ASB3: variants seen among roughly 807,000 people sequenced by gnomAD.
ASB3 encodes ankyrin repeat and SOCS box containing 3, also known as ankyrin repeat and SOCS box protein 3.
In ASB3, 41 loss-of-function variants were observed where a neutral mutation model predicts 54.5. The ratio of observed to expected loss-of-function variants is 0.75; its 90% CI spans 0.59 to 0.98. ASB3 has a LOEUF of 0.98. Among genes scored for constraint, ASB3 ranks in the 50% least tolerant of loss-of-function variants. The probability of loss-of-function intolerance (pLI) is 0.00; values close to 1 mark genes in which losing one functional copy is unlikely to be tolerated. For synonymous variants in ASB3, 266 were observed against 221.2 expected, an observed-to-expected ratio of 1.20 and a Z score of -1.80; for missense variants, 733 against 620.0, an observed-to-expected ratio of 1.18 and a Z score of -1.94.
rs562057266 is a variant in ASB3 at position 53,753,887 on chromosome 2, C to T, written c.197-2946G>A. ...AACTCCTGGCCTCAGGTGATCTGCC[C>T]GACTTGGCCTCCCAAAGTGCTGAGA... On this transcript the variant is annotated intron_variant, in intron 2 of 9. Transcript: ENST00000263634. 1.9e-4 allele frequency among the ~76,000 whole-genome samples: 29 copies of T among 152,032 alleles called. No homozygotes were observed. The South Asian group carries it at 5.3e-3, about 28-fold the overall frequency.
chr2:53,762,171 CTGTGTGTG>C (rs3062426), intron 2 of ASB3, among the ~76,000 whole-genome samples: 1 of 149,710 alleles, frequency 6.7e-6, no homozygotes, highest in African/African-American at 2.5e-5. Flanking sequence ...AGTGATCTAA[CTGTGTGTG>C]TGTGTGTGTG....
chr2:53,683,603 T>C (rs143021433), intron 9 of ASB3, among the ~76,000 whole-genome samples: 1 of 152,266 alleles, frequency 6.6e-6, no homozygotes, highest in East Asian at 1.9e-4. Flanking sequence ...AGCCATCAGG[T>C]CCTGAACTTT....
chr2:53,784,150 G>A (rs114951153), intron 1 of ASB3, among the ~76,000 whole-genome samples: 351 of 152,310 alleles, frequency 2.3e-3, no homozygotes, highest in African/African-American at 8.1e-3. Flanking sequence ...GTTTTATAGC[G>A]AATGATGATT....
intron 9 of ASB3, among the ~76,000 whole-genome samples, chr2:53,671,441 G>C (rs966872965): frequency 4.0e-5 from 6 of 150,324 alleles, no homozygotes; most frequent in Non-Finnish European, 7.4e-5. Flanking sequence ...CCAATTAAAG[G>C]ACAATTCAAA....
chr2:53,736,427 G>A (rs1002893976), intron 3 of ASB3, among the ~76,000 whole-genome samples: 12 of 152,134 alleles, frequency 7.9e-5, no homozygotes, highest in Non-Finnish European at 1.2e-4. Flanking sequence ...GGCCAGGTGC[G>A]GTGGCTCACG....
At chr2:53,696,635 G>C (rs766272629) in intron 8 of ASB3, among the ~76,000 whole-genome samples, 1 of 152,122 alleles carries the variant, frequency 6.6e-6, no homozygotes. Flanking sequence ...CTAAAATTGA[G>C]TAATAGAACT....
intron 9 of ASB3, among the ~76,000 whole-genome samples, chr2:53,680,305 T>C (rs189639329): frequency 2.6e-4 from 40 of 152,332 alleles, no homozygotes; most frequent in African/African-American, 9.1e-4. Context: ...TTTTAGGTCT[T>C]TGAGGAATTG....
At chr2:53,718,342 G>C (rs984352838) in intron 5 of ASB3, among the ~76,000 whole-genome samples, 5 of 152,180 alleles carry the variant, frequency 3.3e-5, no homozygotes, top group African/African-American at 1.2e-4. Flanking sequence ...TACAAGGCAA[G>C]AGAGATTGGG....
At chr2:53,738,849 T>A (rs1318655430) in intron 3 of ASB3, among the ~76,000 whole-genome samples, 4 of 152,010 alleles carry the variant, frequency 2.6e-5, no homozygotes, top group Non-Finnish European at 5.9e-5. Context: ...GGAAAAAGAT[T>A]AAGGATGAAA....
chr2:53,746,497 T>C (rs1430135903), intron 3 of ASB3, among the ~76,000 whole-genome samples: 1 of 151,600 alleles, frequency 6.6e-6, no homozygotes, highest in Non-Finnish European at 1.5e-5. Flanking sequence ...TTTTTTTTTT[T>C]TTGAGACAGA....
At chr2:53,765,321 T>A in intron 2 of ASB3, 56 bp downstream of exon 2, 5 of 1,606,116 alleles carry the variant, frequency 3.1e-6, no homozygotes, top group Admixed American at 3.4e-5. Flanking sequence ...TATACTTTTT[T>A]ATGTTTTATT....
chr2:53,688,448 G>A (rs1465175928), intron 9 of ASB3, among the ~76,000 whole-genome samples: 1 of 152,152 alleles, frequency 6.6e-6, no homozygotes, highest in Non-Finnish European at 1.5e-5. Context: ...CCTCAATCAT[G>A]TAACAATCAA....
At chr2:53,706,360 C>G (rs747546546) in intron 7 of ASB3, among the ~76,000 whole-genome samples, 1 of 152,172 alleles carries the variant, frequency 6.6e-6, no homozygotes, top group Non-Finnish European at 1.5e-5. Flanking sequence ...CAAATCCTTG[C>G]TCTCAAGGAG....
chr2:53,671,393 T>TGTGC (rs1173193043), intron 9 of ASB3, among the ~76,000 whole-genome samples: 3 of 151,610 alleles, frequency 2.0e-5, no homozygotes, highest in Middle Eastern at 3.4e-3. Flanking sequence ...TGTGTGTGTG[T>TGTGC]GTGTATCTGG....
chr2:53,701,390 G>A (rs1041489947), intron 7 of ASB3, among the ~76,000 whole-genome samples: 2 of 152,166 alleles, frequency 1.3e-5, no homozygotes, highest in African/African-American at 4.8e-5. Context: ...AACTGAAGCT[G>A]AGTCACAGAG....
At chr2:53,712,406 T>C (rs1298578384) in intron 7 of ASB3, among the ~76,000 whole-genome samples, 2 of 152,176 alleles carry the variant, frequency 1.3e-5, no homozygotes, top group Non-Finnish European at 2.9e-5. Flanking sequence ...GGTCAATTAG[T>C]GTTACTGACT....
chr2:53,719,999 A>G (rs1366515109), intron 5 of ASB3, among the ~76,000 whole-genome samples: 5 of 152,210 alleles, frequency 3.3e-5, no homozygotes, highest in African/African-American at 1.2e-4. Flanking sequence ...TACTAAGATT[A>G]GAAAAAGTTA....
chr2:53,778,751 G>A (rs1019252297), intron 1 of ASB3, among the ~76,000 whole-genome samples: 5 of 152,116 alleles, frequency 3.3e-5, no homozygotes, highest in African/African-American at 9.7e-5. Context: ...ATTCCACTAC[G>A]TATGTACACC....
At chr2:53,671,302 C>CT (rs1176577209) in intron 9 of ASB3, among the ~76,000 whole-genome samples, 1 of 150,410 alleles carries the variant, frequency 6.6e-6, no homozygotes, top group African/African-American at 2.4e-5. Context: ...AGTCACAGAG[C>CT]TAGTAAGCAG....
Sources: allele counts gnomAD v4.1 joint callset (sites outside exome capture counted in the v4.1 genomes callset), GRCh38; gene constraint gnomAD v4.1.1; transcripts MANE v1.5; gene names NCBI Gene and HGNC (gene_info 2026-07-23, HGNC 2026-07-21).